FMNL2: variants seen among roughly 807,000 people sequenced by gnomAD.
The protein encoded by FMNL2 is formin-like protein 2.
Under a neutral mutation model 130.2 loss-of-function variants are expected in FMNL2, and 51 were observed. The observed-to-expected ratio is 0.39, with a 90% CI of 0.31 to 0.49. The LOEUF (loss-of-function observed/expected upper bound fraction) is 0.49, where lower values mean the gene tolerates loss of function less well. Among genes scored for constraint, FMNL2 ranks in the 20% least tolerant of loss-of-function variants. FMNL2 has a pLI of 0.85. For missense variants in FMNL2, 977 were observed against 1,316.2 expected, an observed-to-expected ratio of 0.74 and a Z score of 3.99; for synonymous variants, 465 against 467.1, an observed-to-expected ratio of 1.00 and a Z score of 0.06.
At chr2:152,528,770 G>A (rs1438990089) in intron 2 of FMNL2, among the ~76,000 whole-genome samples, 1 of 152,142 alleles carries the variant, frequency 6.6e-6, no homozygotes, top group Non-Finnish European at 1.5e-5. Context: ...CACATAGTAA[G>A]GTTTTAATTT....
chr2:152,582,291 A>G (rs1203702182), intron 9 of FMNL2, among the ~76,000 whole-genome samples: 1 of 152,094 alleles, frequency 6.6e-6, no homozygotes, highest in Non-Finnish European at 1.5e-5. Context: ...TACCTCCTTA[A>G]TTGGATTTAC....
At chr2:152,349,175 A>C (rs1426688630) in intron 1 of FMNL2, among the ~76,000 whole-genome samples, 1 of 152,182 alleles carries the variant, frequency 6.6e-6, no homozygotes, top group Non-Finnish European at 1.5e-5. Flanking sequence ...ATAGGGCATG[A>C]GACTGGATGG....
chr2:152,463,453 G>A (rs147626338), intron 1 of FMNL2, among the ~76,000 whole-genome samples: 4 of 152,154 alleles, frequency 2.6e-5, no homozygotes, highest in Non-Finnish European at 4.4e-5. Context: ...CAAAGCCTAT[G>A]GTATTATCTG....
intron 1 of FMNL2, among the ~76,000 whole-genome samples, chr2:152,390,855 C>T (rs2105926736): frequency 6.6e-6 from 1 of 152,256 alleles, no homozygotes; most frequent in East Asian, 1.9e-4. Context: ...CCAGCAAAAA[C>T]AGAAATAAGT....
chr2:152,391,563 G>C (rs1339497827), intron 1 of FMNL2, among the ~76,000 whole-genome samples: 1 of 151,934 alleles, frequency 6.6e-6, no homozygotes, highest in East Asian at 1.9e-4. Flanking sequence ...TGTGTGCCAG[G>C]GGTGGCAAGT....
intron 9 of FMNL2, among the ~76,000 whole-genome samples, chr2:152,589,730 T>C (rs1697280074): frequency 6.6e-6 from 1 of 151,912 alleles, no homozygotes; most frequent in African/African-American, 2.4e-5. Flanking sequence ...AAGTTTTCAG[T>C]CTCCGGGCAG....
intron 6 of FMNL2, among the ~76,000 whole-genome samples, chr2:152,570,688 G>A (rs1558972367): frequency 6.6e-6 from 1 of 152,106 alleles, no homozygotes; most frequent in Non-Finnish European, 1.5e-5. Context: ...TCACATCTCA[G>A]GGAACCTTCC....
At chr2:152,340,408 A>G (rs1681731453) in intron 1 of FMNL2, among the ~76,000 whole-genome samples, 1 of 152,238 alleles carries the variant, frequency 6.6e-6, no homozygotes, top group South Asian at 2.1e-4. Flanking sequence ...GTTGGCAGAA[A>G]TTCTTCAGAA....
intron 1 of FMNL2, among the ~76,000 whole-genome samples, chr2:152,386,180 C>T (rs186062253): frequency 6.6e-6 from 1 of 152,294 alleles, no homozygotes; most frequent in Non-Finnish European, 1.5e-5. Context: ...GAGATTTATT[C>T]CCAGCACCTT....
At chr2:152,441,088 G>T (rs894172959) in intron 1 of FMNL2, among the ~76,000 whole-genome samples, 1 of 152,128 alleles carries the variant, frequency 6.6e-6, no homozygotes, top group Admixed American at 6.6e-5. Context: ...GCACTAAATG[G>T]GTTTATAGGT....
chr2:152,578,268 G>C (rs1696583737), intron 7 of FMNL2, among the ~76,000 whole-genome samples: 1 of 152,026 alleles, frequency 6.6e-6, no homozygotes, highest in Non-Finnish European at 1.5e-5. Flanking sequence ...GGGTGTGAGG[G>C]GTACTGATCC....
intron 1 of FMNL2, among the ~76,000 whole-genome samples, chr2:152,461,899 TC>T (rs200722116): frequency 5.4e-4 from 81 of 150,112 alleles, no homozygotes; most frequent in Middle Eastern, 6.8e-3. Context: ...TAGCTTTTTT[TC>T]TTTTTAATTT....
chr2:152,367,707 A>G (rs1024452270), intron 1 of FMNL2, among the ~76,000 whole-genome samples: 1 of 152,306 alleles, frequency 6.6e-6, no homozygotes, highest in South Asian at 2.1e-4. Context: ...CACGTAGTCC[A>G]AAGAAATTTT....
intron 2 of FMNL2, among the ~76,000 whole-genome samples, chr2:152,541,530 A>G (rs1052510589): frequency 6.6e-6 from 1 of 152,210 alleles, no homozygotes; most frequent in Non-Finnish European, 1.5e-5. Context: ...ACTCAGATCA[A>G]GAAATAGAAC....
intron 1 of FMNL2, among the ~76,000 whole-genome samples, chr2:152,492,423 T>C (rs1691264111): frequency 6.6e-6 from 1 of 152,232 alleles, no homozygotes; most frequent in Admixed American, 6.5e-5. Flanking sequence ...ATTAGTTCAA[T>C]ATTTTTGGCT....
intron 6 of FMNL2, among the ~76,000 whole-genome samples, chr2:152,573,118 T>C (rs1696272321): frequency 2.0e-5 from 3 of 152,220 alleles, no homozygotes; most frequent in Non-Finnish European, 4.4e-5. Flanking sequence ...ACATCCTCAC[T>C]TTCCTAATAA....
chr2:152,564,784 T>TTTTTTTG (rs1695733886), intron 6 of FMNL2, among the ~76,000 whole-genome samples: 2 of 148,058 alleles, frequency 1.4e-5, no homozygotes, highest in African/African-American at 2.5e-5. Context: ...TGGTTTTTTT[T>TTTTTTTG]TTTTTTTTTT....
intron 25 of FMNL2, among the ~76,000 whole-genome samples, chr2:152,642,794 G>A (rs912092206): frequency 6.6e-6 from 1 of 152,186 alleles, no homozygotes; most frequent in African/African-American, 2.4e-5. Flanking sequence ...GATCACTTGA[G>A]ATCAGGACTT....
chr2:152,456,331 G>A (rs1287935312), intron 1 of FMNL2, among the ~76,000 whole-genome samples: 1 of 152,182 alleles, frequency 6.6e-6, no homozygotes, highest in Non-Finnish European at 1.5e-5. Flanking sequence ...TCTCTTACCT[G>A]TTTTAGTGAG....
Sources: gnomAD v4.1 joint callset for allele counts (sites outside exome capture counted in the v4.1 genomes callset) on GRCh38, gnomAD v4.1.1 for gene constraint, MANE v1.5 for transcripts, NCBI Gene and HGNC (gene_info 2026-07-23, HGNC 2026-07-21) for gene names.